CREB5: variants seen among roughly 807,000 people sequenced by gnomAD.
CREB5 encodes the protein cyclic AMP-responsive element-binding protein 5.
In CREB5, 19 loss-of-function variants were observed where a neutral mutation model predicts 57.1. The observed-to-expected ratio is 0.33, with a 90% CI of 0.23 to 0.49. The LOEUF is 0.49. Ranked by LOEUF, CREB5 falls within the 20% of genes least tolerant of loss-of-function variation. The probability of loss-of-function intolerance (pLI) is 0.99; values close to 1 mark genes in which losing one functional copy is unlikely to be tolerated. For synonymous variants in CREB5, 238 were observed against 238.3 expected, an observed-to-expected ratio of 1.00 and a Z score of 0.01; for missense variants, 579 against 671.6, an observed-to-expected ratio of 0.86 and a Z score of 1.52.
intron 1 of CREB5, among the ~76,000 whole-genome samples, chr7:28,367,358 C>T (rs1418011281): frequency 6.6e-6 from 1 of 152,212 alleles, no homozygotes; most frequent in Admixed American, 6.5e-5. Flanking sequence ...TCATGATTCT[C>T]CGGCACCACA....
At position 28,665,627 on chromosome 7, in the gene CREB5, G is replaced by C. The variant is rs77972834; in HGVS notation, c.465-53126G>C. 6.9e-3 allele frequency among the ~76,000 whole-genome samples: 1,050 copies of C among 152,122 alleles called. 21 individuals are homozygous for C. The highest frequency in any genetic ancestry group is 0.023 in the African/African-American group (970 of 41,514). Reference sequence around the variant, plus strand: ...GCAAGATTATCCATTTTTTTCTTTTGGTAAGAAAGAGGAATTTGGCAGGAT... The same window carrying C: ...GCAAGATTATCCATTTTTTTCTTTTCGTAAGAAAGAGGAATTTGGCAGGAT... On this transcript the variant is annotated intron_variant, in intron 5 of 10. Coordinates refer to ENST00000357727, the MANE Select transcript of CREB5 (RefSeq NM_182898.4).
At chr7:28,373,904 C>CATATATATATATATATATATAT (rs10585117) in intron 1 of CREB5, among the ~76,000 whole-genome samples, 1 of 146,200 alleles carries the variant, frequency 6.8e-6, no homozygotes, top group Non-Finnish European at 1.5e-5. Context: ...TTTCTGCATC[C>CATATATATATATATATATATAT]ATATATATAT....
chr7:28,611,489 T>TA (rs59192497), intron 5 of CREB5, among the ~76,000 whole-genome samples: 9,459 of 47,908 alleles, frequency 0.2, 1,673 homozygotes, highest in East Asian at 0.42. Context: ...CCATCTCTAC[T>TA]AAAAAAAAAA....
At chr7:28,774,604 T>C (rs891996875) in intron 7 of CREB5, among the ~76,000 whole-genome samples, 1 of 152,248 alleles carries the variant, frequency 6.6e-6, no homozygotes, top group Non-Finnish European at 1.5e-5. Flanking sequence ...CTGTTTTGCA[T>C]TATTTCACAC....
At chr7:28,333,189 T>C (rs114079584) in intron 1 of CREB5, among the ~76,000 whole-genome samples, 7 of 152,380 alleles carry the variant, frequency 4.6e-5, no homozygotes, top group African/African-American at 1.7e-4. Context: ...TACGTAACTG[T>C]AATCTAACCT....
chr7:28,611,969 G>A (rs1359544311), intron 5 of CREB5, among the ~76,000 whole-genome samples: 1 of 150,980 alleles, frequency 6.6e-6, no homozygotes, highest in African/African-American at 2.4e-5. Context: ...ACTTTCTCAT[G>A]TCCCCTTGCT....
intron 1 of CREB5, among the ~76,000 whole-genome samples, chr7:28,461,978 T>C (rs1562733360): frequency 6.6e-6 from 1 of 152,162 alleles, no homozygotes; most frequent in East Asian, 1.9e-4. Context: ...TACTATGTGA[T>C]CACAGAATTG....
At chr7:28,756,935 C>T (rs113361699) in intron 7 of CREB5, among the ~76,000 whole-genome samples, 15 of 152,200 alleles carry the variant, frequency 9.9e-5, no homozygotes, top group African/African-American at 3.1e-4. Context: ...TTGGTTCAGG[C>T]GCTCACATTT....
At chr7:28,804,825 T>C (rs897509836) in intron 8 of CREB5, among the ~76,000 whole-genome samples, 3 of 152,196 alleles carry the variant, frequency 2.0e-5, no homozygotes, top group Non-Finnish European at 2.9e-5. Flanking sequence ...AAAAGTAATA[T>C]GAATCAATGG....
At chr7:28,585,825 T>G (rs1425248604) in intron 5 of CREB5, among the ~76,000 whole-genome samples, 1 of 152,086 alleles carries the variant, frequency 6.6e-6, no homozygotes, top group Non-Finnish European at 1.5e-5. Context: ...TCTCATTGAG[T>G]CAGGATGGGT....
At chr7:28,658,965 A>ATATATATGTG (rs1799467828) in intron 5 of CREB5, among the ~76,000 whole-genome samples, 1 of 135,644 alleles carries the variant, frequency 7.4e-6, no homozygotes, top group African/African-American at 2.6e-5. Flanking sequence ...ATATATATAT[A>ATATATATGTG]TATATATATA....
chr7:28,474,851 T>C (rs575140995), intron 1 of CREB5, among the ~76,000 whole-genome samples: 1 of 152,330 alleles, frequency 6.6e-6, no homozygotes, highest in East Asian at 1.9e-4. Flanking sequence ...TAGTGGAGGA[T>C]ATAAATCAAA....
chr7:28,539,962 T>G (rs964101385), intron 4 of CREB5, among the ~76,000 whole-genome samples: 4 of 152,240 alleles, frequency 2.6e-5, no homozygotes, highest in Admixed American at 2.6e-4. Flanking sequence ...TAAATTGTTA[T>G]GGCTGTTTCC....
chr7:28,490,209 A>C (rs7782863), intron 2 of CREB5, among the ~76,000 whole-genome samples: 68,788 of 152,112 alleles, frequency 0.45, 17,642 homozygotes, highest in African/African-American at 0.71. Context: ...CCTCACAGAG[A>C]TTCTAGTTTA....
At position 28,477,535 on chromosome 7, in the gene CREB5, G is replaced by A. The variant is rs866018321; in HGVS notation, c.4-10640G>A. ...TCATACTGATTTGAAGTGTGGATTC[G>A]AAAATGGTGCTGTTGTTTGGGGGCC... On this transcript the variant is annotated intron_variant, in intron 1 of 10. Coordinates refer to ENST00000357727, the MANE Select transcript of CREB5 (RefSeq NM_182898.4). Among the ~76,000 whole-genome samples the A allele has an allele frequency of 4.6e-5, 7 of 152,316 alleles. 1 individual carries two copies. Among genetic ancestry groups the A allele is most frequent in the Middle Eastern group, 6.8e-3 (2 of 294 alleles).
chr7:28,415,865 A>G (rs1788004025), intron 1 of CREB5, among the ~76,000 whole-genome samples: 1 of 152,194 alleles, frequency 6.6e-6, no homozygotes, highest in African/African-American at 2.4e-5. Context: ...TAGAAGGTGT[A>G]CCTTTGCCTA....
At position 28,795,985 on chromosome 7, in the gene CREB5, T is replaced by C. The variant is rs528678725; in HGVS notation, c.703-8214T>C. Among the ~76,000 whole-genome samples, 4 of 152,236 alleles carry C rather than the reference T, an allele frequency of 2.6e-5. No homozygotes were observed. The South Asian group carries it at 8.3e-4, about 32-fold the overall frequency. On this transcript the variant is annotated intron_variant, in intron 7 of 10. Transcript: ENST00000357727. ...ACCCGCTAGTCTCAACCTCCTGACC[T>C]CAAGTGATCTGCCTGCCTTTACCTC...
intron 1 of CREB5, among the ~76,000 whole-genome samples, chr7:28,325,124 T>C (rs1785562935): frequency 1.3e-5 from 2 of 152,184 alleles, no homozygotes; most frequent in Non-Finnish European, 2.9e-5. Context: ...TATACACTTA[T>C]AGTCCTTTCT....
chr7:28,686,351 TCTC>T (rs1189418363), intron 5 of CREB5, among the ~76,000 whole-genome samples: 4 of 151,892 alleles, frequency 2.6e-5, no homozygotes, highest in Non-Finnish European at 5.9e-5. Context: ...TCTTCTTCCT[TCTC>T]CTCTTTCCCC....
Sources: allele counts gnomAD v4.1 joint callset (sites outside exome capture counted in the v4.1 genomes callset), GRCh38; gene constraint gnomAD v4.1.1; transcripts MANE v1.5; gene names NCBI Gene and HGNC (gene_info 2026-07-23, HGNC 2026-07-21).